Variants in ATP6V1B2 observed in about 807,000 individuals in gnomAD.
ATP6V1B2 encodes the protein ATPase H+ transporting V1 subunit B2.
A neutral mutation model predicts 66.7 loss-of-function variants in ATP6V1B2; 23 were observed. The observed-to-expected ratio is 0.34, with a 90% CI of 0.25 to 0.49. The LOEUF (loss-of-function observed/expected upper bound fraction) is 0.49, where lower values mean the gene tolerates loss of function less well. Ranked by LOEUF, ATP6V1B2 falls within the 20% of genes least tolerant of loss-of-function variation. The probability of loss-of-function intolerance (pLI) is 0.99; values close to 1 mark genes in which losing one functional copy is unlikely to be tolerated. For missense variants in ATP6V1B2, 478 were observed against 650.8 expected (o/e 0.73, Z 2.89); for synonymous variants, 278 against 236.7 (o/e 1.17, Z -1.60).
chr8:20,220,281 C>T lies in ATP6V1B2; in HGVS notation c.1415C>T (p.Thr472Ile). Residue 472 changes from threonine (T) to isoleucine (I), a missense_variant, in exon 14 of 14, where the codon ACT becomes ATT. By Grantham distance (89) the Thr-to-Ile change is moderately conservative. Coordinates refer to ENST00000276390, the MANE Select transcript of ATP6V1B2 (RefSeq NM_001693.4). The stretch of plus-strand genomic sequence containing the variant: ...TTTTAAGGTCCTTACGAAAATCGCA[C>T]TGTCTTTGAGACTTTGGACATTGGC... Reference protein sequence around the residue: ...FIAQGPYENRTVFETLDIGWQ... With the variant: ...FIAQGPYENRIVFETLDIGWQ... 6.3e-7 allele frequency: 1 copy of T among 1,597,648 alleles called. No homozygotes were observed. Among genetic ancestry groups the T allele is most frequent in the South Asian group, 1.1e-5 (1 of 87,324 alleles).
intron 1 of ATP6V1B2, among the ~76,000 whole-genome samples, chr8:20,202,847 T>G (rs2072701105): frequency 6.6e-6 from 1 of 152,172 alleles, no homozygotes; most frequent in African/African-American, 2.4e-5. Flanking sequence ...ACCCCAGCTG[T>G]TTGGTAAAGG....
At position 20,209,494 on chromosome 8, in the gene ATP6V1B2, A is replaced by G; in HGVS notation, c.254A>G (p.Gln85Arg). The G allele has an allele frequency of 6.2e-7, 1 of 1,614,038 alleles. No individual in the cohort carries two copies. Among genetic ancestry groups the G allele is most frequent in the Non-Finnish European group, 8.5e-7 (1 of 1,179,988 alleles). Residue 85 changes from glutamine (Q) to arginine (R), a missense_variant, in exon 3 of 14, where the codon CAA (glutamine) becomes CGA (arginine). Physicochemically the swap from Gln to Arg is conservative, Grantham distance 43. Transcript: ENST00000276390. Reference protein sequence around the residue: ...TLPDGTKRSGQVLEVSGSKAV... With the variant: ...TLPDGTKRSGRVLEVSGSKAV... ...CCGGATGGCACAAAGAGAAGTGGGC[A>G]AGTTCTGGAAGTTAGTGGTTCCAAG...
chr8:20,197,797 C>T (rs1204868090), intron 1 of ATP6V1B2, among the ~76,000 whole-genome samples: 3 of 152,170 alleles, frequency 2.0e-5, no homozygotes, highest in Non-Finnish European at 4.4e-5. Flanking sequence ...TGCCCTACCC[C>T]CTCCCCTCCC....
intron 9 of ATP6V1B2, chr8:20,213,169 A>G (rs1183754948): frequency 3.0e-5 from 12 of 397,058 alleles, no homozygotes; most frequent in Non-Finnish European, 4.6e-5. Flanking sequence ...AAGGGAGTAA[A>G]TAATTCAAGC....
chr8:20,201,155 A>T (rs771784711), intron 1 of ATP6V1B2, among the ~76,000 whole-genome samples: 20 of 152,206 alleles, frequency 1.3e-4, no homozygotes, highest in Non-Finnish European at 2.4e-4. Context: ...TGGTTGTAAA[A>T]TATGTTAAGA....
intron 9 of ATP6V1B2, chr8:20,213,816 A>C (rs980733670): frequency 6.6e-6 from 1 of 152,144 alleles, no homozygotes; most frequent in Non-Finnish European, 1.5e-5. Flanking sequence ...TTACTCTGCT[A>C]TATTGCTGTT....
At chr8:20,218,321 T>C (rs1563818462) in intron 13 of ATP6V1B2, 39 bp downstream of exon 13, 1 of 1,593,780 alleles carries the variant, frequency 6.3e-7, no homozygotes, top group Non-Finnish European at 8.5e-7. Context: ...AAAAGCCTCA[T>C]ATGTAATTTT....
rs2072873366 is a variant in ATP6V1B2, at chr8:20,218,168, A to G, written c.1282A>G (p.Ile428Val). 2 of 1,613,094 alleles carry G rather than the reference A, an allele frequency of 1.2e-6. No individual in the cohort carries two copies. Among genetic ancestry groups the G allele is most frequent in the African/African-American group, 1.3e-5 (1 of 74,938 alleles). Residue 428 changes from isoleucine (I) to valine (V), a missense_variant, in exon 13 of 14, where the codon ATT becomes GTT. Ile to Val is a conservative substitution (Grantham distance 29, BLOSUM62 3). Transcript: ENST00000276390. Reference sequence around the variant, plus strand: ...TTCTCTTTAGTATGCGTGCTATGCTATTGGAAAGGATGTGCAAGCCATGAA... The same window carrying G: ...TTCTCTTTAGTATGCGTGCTATGCTGTTGGAAAGGATGTGCAAGCCATGAA... ...VSNQLYACYA[I>V]GKDVQAMKAV...
intron 6 of ATP6V1B2, 24 bp from the exon 7 acceptor site, chr8:20,211,628 G>C (rs1237800867): frequency 6.3e-7 from 1 of 1,577,670 alleles, no homozygotes; most frequent in Admixed American, 2.0e-5. Context: ...GATTTCAACT[G>C]AATTCTTCTA....
intron 11 of ATP6V1B2, 110 bp downstream of exon 11, chr8:20,216,605 A>T: frequency 1.1e-6 from 1 of 905,746 alleles, no homozygotes; most frequent in African/African-American, 1.7e-5. Flanking sequence ...TATCAACTTG[A>T]ATTGTTTTTA....
Position 20,197,478 on chromosome 8 carries a change from G to T in ATP6V1B2, c.72G>T (p.Pro24=). The change falls in exon 1 of 14, where the codon CCG becomes CCT. Residue 24 remains proline (P), a synonymous_variant. Transcript: ENST00000276390. Reference sequence around the variant, plus strand: ...AGCTACCCGTGCCCACCGGTGGGCCGGCGGTGGGAGCTCGGGAGCAGGCGC... The same window carrying T: ...AGCTACCCGTGCCCACCGGTGGGCCTGCGGTGGGAGCTCGGGAGCAGGCGC... ...APELPVPTGG[P]AVGAREQALA... 1 of 1,516,066 alleles carries T rather than the reference G, an allele frequency of 6.6e-7. No individual in the cohort carries two copies. Among genetic ancestry groups the T allele is most frequent in the Non-Finnish European group, 8.8e-7 (1 of 1,133,278 alleles). 93.9% of individuals were successfully genotyped at this position (1,516,066 alleles called of 1,614,324 possible).
At chr8:20,197,954 A>G (rs893983914) in intron 1 of ATP6V1B2, among the ~76,000 whole-genome samples, 1 of 152,184 alleles carries the variant, frequency 6.6e-6, no homozygotes. Flanking sequence ...CCTGGTGAGG[A>G]CCTCAATGGG....
intron 1 of ATP6V1B2, among the ~76,000 whole-genome samples, chr8:20,198,937 C>G (rs954374529): frequency 2.6e-5 from 4 of 152,150 alleles, no homozygotes; most frequent in African/African-American, 7.2e-5. Context: ...AAATTTATAC[C>G]TACGAATTAC....
At position 20,211,322 on chromosome 8, in the gene ATP6V1B2, G is replaced by A. The variant is rs779136158; in HGVS notation, c.603+6G>A. ...CTGGGCTACCACACAATGAGGTGAG[G>A]ACTGGGATCGGTTTGCTATGAAGTT... On this transcript the variant is annotated splice_donor_region_variant and intron_variant, in intron 6 of 13. Transcript: ENST00000276390. The A allele has an allele frequency of 5.0e-6, 8 of 1,607,966 alleles. No homozygotes were observed. Among genetic ancestry groups the A allele is most frequent in the Middle Eastern group, 1.7e-4 (1 of 6,056 alleles).
chr8:20,210,783 T>C (rs2072785843), intron 5 of ATP6V1B2, 137 bp downstream of exon 5: 1 of 427,798 alleles, frequency 2.3e-6, no homozygotes, highest in Admixed American at 4.4e-5. Flanking sequence ...ATAAATTATT[T>C]TATTATTTAA....
At chr8:20,218,319 C>T (rs2072874964) in intron 13 of ATP6V1B2, 37 bp downstream of exon 13, 3 of 1,594,696 alleles carry the variant, frequency 1.9e-6, no homozygotes, top group South Asian at 2.3e-5. Context: ...TAAAAAGCCT[C>T]ATATGTAATT....
chr8:20,215,886 G>T (rs1362214332), intron 10 of ATP6V1B2: 1 of 152,322 alleles, frequency 6.6e-6, no homozygotes, highest in African/African-American at 2.4e-5. Flanking sequence ...GTGAAATGTT[G>T]TGTATCCATC....
intron 2 of ATP6V1B2, among the ~76,000 whole-genome samples, chr8:20,207,341 G>A (rs2072748778): frequency 6.6e-6 from 1 of 152,164 alleles, no homozygotes; most frequent in Non-Finnish European, 1.5e-5. Flanking sequence ...ACACTGTGCT[G>A]CTCAGAATAT....
chr8:20,203,863 C>T, intron 1 of ATP6V1B2: 1 of 392,172 alleles, frequency 2.5e-6, no homozygotes, highest in Non-Finnish European at 5.0e-6. Context: ...TCTTGTTTGA[C>T]CCCCTGGCCT....
Sources: allele counts gnomAD v4.1 joint callset (sites outside exome capture counted in the v4.1 genomes callset), GRCh38; gene constraint gnomAD v4.1.1; transcripts MANE v1.5; gene names NCBI Gene and HGNC (gene_info 2026-07-23, HGNC 2026-07-21).